The following SEC14L1 variants were observed in gnomAD, a reference collection of about 807,000 sequenced individuals.
SEC14L1 encodes the protein SEC14-like protein 1.
SEC14L1 carries 48 observed loss-of-function variants against 85.3 expected under a neutral mutation model. That is an observed-to-expected ratio of 0.56 (90% confidence interval 0.45 to 0.72). The LOEUF is 0.72. SEC14L1 is among the 30% of genes least tolerant of loss of function. SEC14L1 has a pLI of 0.00. For missense variants in SEC14L1, 682 were observed against 921.4 expected (o/e 0.74, Z 3.36); for synonymous variants, 391 against 355.5 (o/e 1.10, Z -1.12).
At chr17:77,154,751 C>A (rs929846647) in intron 3 of SEC14L1, among the ~76,000 whole-genome samples, 1 of 151,628 alleles carries the variant, frequency 6.6e-6, no homozygotes, top group African/African-American at 2.4e-5. Flanking sequence ...ATTCAGACAT[C>A]TGCCCTGTTT....
In SEC14L1 at chr17:77,212,143, G is replaced by A. The variant is rs756770033; in HGVS notation, c.1805G>A (p.Gly602Asp). ...CTCATAGACAAAGTCTGGCAGCTGG[G>A]CCGCGACTACAGCATGGTGGAGTCG... is the stretch of plus-strand genomic sequence containing the variant. ...VQLIDKVWQL[G>D]RDYSMVESPL... The change falls in exon 15 of 17, where the codon GGC becomes GAC. Residue 602 changes from glycine (G) to aspartate (D), a missense_variant. Coordinates refer to ENST00000436233, the MANE Select transcript of SEC14L1 (RefSeq NM_001143998.2). 4.2e-5 allele frequency: 68 copies of A among 1,613,992 alleles called. No homozygotes were observed. The highest frequency in any genetic ancestry group is 5.4e-5 in the Non-Finnish European group (64 of 1,180,058).
chr17:77,201,288 C>A (rs1383723950), intron 9 of SEC14L1, among the ~76,000 whole-genome samples: 5 of 152,174 alleles, frequency 3.3e-5, no homozygotes, highest in Admixed American at 3.3e-4. Flanking sequence ...GAGAGCCGGG[C>A]AGGATGGAAT....
At chr17:77,202,344 C>T (rs1330674922) in intron 9 of SEC14L1, among the ~76,000 whole-genome samples, 1 of 151,896 alleles carries the variant, frequency 6.6e-6, no homozygotes, top group African/African-American at 2.4e-5. Flanking sequence ...GGAGGCTGGG[C>T]GCGGTGGCTC....
chr17:77,133,294 G>C (rs1415749556), intron 3 of SEC14L1, among the ~76,000 whole-genome samples: 1 of 152,226 alleles, frequency 6.6e-6, no homozygotes, highest in Non-Finnish European at 1.5e-5. Context: ...AGAAGATATG[G>C]CCTGAGGACC....
At chr17:77,123,695 G>C (rs1476435170) in intron 3 of SEC14L1, among the ~76,000 whole-genome samples, 1 of 151,624 alleles carries the variant, frequency 6.6e-6, no homozygotes, top group African/African-American at 2.4e-5. Context: ...TTACAGGCGA[G>C]AGCCACCACA....
intron 3 of SEC14L1, among the ~76,000 whole-genome samples, chr17:77,127,026 A>T (rs553410009): frequency 7.4e-4 from 108 of 146,202 alleles, no homozygotes; most frequent in African/African-American, 2.3e-3. Flanking sequence ...TTCTTCTTTT[A>T]AAAAAAAGGG....
At position 77,143,608 on chromosome 17, in the gene SEC14L1, A is replaced by G. The variant is rs772476558; in HGVS notation, c.12A>G (p.Lys4=). MVQ[K]YQSPVRVYKY... is the part of the protein sequence containing the mutation. ...GTTGTATTGCAATCATGGTGCAGAA[A>G]TACCAGTCCCCAGTGAGGGTGTACA... Residue 4 remains lysine (K), a synonymous_variant, in exon 3 of 17, where the codon AAA becomes AAG. Transcript: ENST00000436233. 1.2e-6 allele frequency: 2 copies of G among 1,613,534 alleles called. No individual in the cohort carries two copies. Among genetic ancestry groups the G allele is most frequent in the Non-Finnish European group, 1.7e-6 (2 of 1,179,562 alleles).
intron 3 of SEC14L1, 79 bp downstream of exon 3, chr17:77,143,738 T>G (rs576273995): frequency 9.6e-7 from 1 of 1,040,700 alleles, no homozygotes; most frequent in Non-Finnish European, 1.5e-6. Context: ...ATCTATAGAT[T>G]TATTGTTCGT....
intron 3 of SEC14L1, among the ~76,000 whole-genome samples, chr17:77,163,244 G>A (rs958646160): frequency 1.5e-4 from 23 of 152,140 alleles, no homozygotes; most frequent in Admixed American, 1.0e-3. Context: ...AACTGGAGTC[G>A]AGGGACCAGG....
At chr17:77,186,194 C>T (rs1003331623) in intron 3 of SEC14L1, among the ~76,000 whole-genome samples, 2 of 152,186 alleles carry the variant, frequency 1.3e-5, no homozygotes, top group Non-Finnish European at 2.9e-5. Context: ...TGTCTGCACC[C>T]GGCAAGGCAT....
At chr17:77,112,343 C>T (rs532569803) in intron 3 of SEC14L1, among the ~76,000 whole-genome samples, 1 of 152,192 alleles carries the variant, frequency 6.6e-6, no homozygotes, top group East Asian at 1.9e-4. Context: ...TGTTGCCAAT[C>T]ACAGGTATAT....
intron 13 of SEC14L1, among the ~76,000 whole-genome samples, chr17:77,207,605 C>T (rs926376805): frequency 1.3e-5 from 2 of 152,146 alleles, no homozygotes; most frequent in African/African-American, 2.4e-5. Context: ...GCATGCGCCA[C>T]TACCCACAGC....
intron 3 of SEC14L1, among the ~76,000 whole-genome samples, chr17:77,112,281 C>T (rs944893924): frequency 6.6e-6 from 1 of 152,100 alleles, no homozygotes; most frequent in Non-Finnish European, 1.5e-5. Context: ...TAGCCAGTCT[C>T]GGGTCTCTCT....
rs1302760349 is a variant in SEC14L1 at position 77,215,235 on chromosome 17, C to T, written c.*1212C>T. The T allele has an allele frequency of 3.0e-6, 3 of 985,312 alleles. No individual in the cohort carries two copies. Among genetic ancestry groups the T allele is most frequent in the Middle Eastern group, 5.2e-4 (1 of 1,934 alleles). 61.0% of individuals were successfully genotyped at this position (985,312 alleles called of 1,614,324 possible). ...TTTGTTTAATTCCTGATTTTAAAGC[C>T]TGCTCTATCTGGTACAGGCCCTTAT... is the stretch of plus-strand genomic sequence containing the variant. On this transcript the variant is annotated 3_prime_UTR_variant, in exon 17 of 17. Transcript: ENST00000436233.
chr17:77,205,244 C>T (rs771106820), intron 10 of SEC14L1, 32 bp from the exon 11 acceptor site: 6 of 1,591,678 alleles, frequency 3.8e-6, no homozygotes, highest in Non-Finnish European at 5.2e-6. Context: ...TTAAACTAAT[C>T]ATGGTAAATT....
rs919555340 is a variant in SEC14L1, at chr17:77,215,625, G to C, written c.*1602G>C. 5.0e-6 allele frequency: 5 copies of C among 990,232 alleles called. No individual in the cohort carries two copies. The African/African-American group carries it at 8.7e-5, about 17-fold the overall frequency. The allele number at this position is 990,232 out of a possible 1,614,324, so 61.3% of individuals were successfully genotyped here. On this transcript the variant is annotated 3_prime_UTR_variant, in exon 17 of 17. Transcript: ENST00000436233. ...CTGTAGACGTCCCAGGGCCTGTGCTGTGATCACCTGCCTTTGGACCACATT... is the reference window on the plus strand; with the variant it reads ...CTGTAGACGTCCCAGGGCCTGTGCTCTGATCACCTGCCTTTGGACCACATT...
intron 3 of SEC14L1, among the ~76,000 whole-genome samples, chr17:77,106,026 C>T (rs993601676): frequency 2.6e-5 from 4 of 151,742 alleles, no homozygotes; most frequent in East Asian, 1.9e-4. Flanking sequence ...GATATCAGTT[C>T]GTCTACCTAA....
chr17:77,143,090 T>A (rs962941188), intron 2 of SEC14L1, among the ~76,000 whole-genome samples: 4 of 147,738 alleles, frequency 2.7e-5, no homozygotes, highest in Non-Finnish European at 4.5e-5. Context: ...TTCCATAGTT[T>A]GAGATACAGT....
chr17:77,136,651 T>G (rs1972808375), upstream of SEC14L1, among the ~76,000 whole-genome samples: 1 of 152,182 alleles, frequency 6.6e-6, no homozygotes, highest in Non-Finnish European at 1.5e-5. Context: ...TGCACGCATG[T>G]GTGTGCACGT....
Sources: gnomAD v4.1 joint callset for allele counts (sites outside exome capture counted in the v4.1 genomes callset) on GRCh38, gnomAD v4.1.1 for gene constraint, MANE v1.5 for transcripts, NCBI Gene and HGNC (gene_info 2026-07-23, HGNC 2026-07-21) for gene names.